The following VKORC1L1 variants were observed in gnomAD, a reference collection of about 807,000 sequenced individuals.
VKORC1L1 encodes the protein vitamin K epoxide reductase complex subunit 1L1, also known as vitamin K epoxide reductase complex subunit 1-like protein 1.
A neutral mutation model predicts 18.9 loss-of-function variants in VKORC1L1; 2 were observed. That is an observed-to-expected ratio of 0.11 (90% confidence interval 0.04 to 0.33). The LOEUF (loss-of-function observed/expected upper bound fraction) is 0.33. Ranked by LOEUF, VKORC1L1 falls within the 10% of genes least tolerant of loss-of-function variation. VKORC1L1 has a pLI of 1.00. For synonymous variants in VKORC1L1, 96 were observed against 100.0 expected (o/e 0.96, Z 0.24); for missense variants, 123 against 224.1 (o/e 0.55, Z 2.88).
intron 1 of VKORC1L1, among the ~76,000 whole-genome samples, chr7:65,937,938 T>C (rs1275062953): frequency 6.6e-6 from 1 of 152,202 alleles, no homozygotes; most frequent in African/African-American, 2.4e-5. Flanking sequence ...CTGGGTGCAG[T>C]GGCTCGTGTC....
intron 1 of VKORC1L1, among the ~76,000 whole-genome samples, chr7:65,923,218 A>G (rs1239420587): frequency 6.6e-6 from 1 of 152,156 alleles, no homozygotes; most frequent in Non-Finnish European, 1.5e-5. Context: ...CCTGGGCAAC[A>G]TAGCAAGACC....
At chr7:65,889,503 A>G (rs1789074715) in intron 1 of VKORC1L1, among the ~76,000 whole-genome samples, 1 of 152,166 alleles carries the variant, frequency 6.6e-6, no homozygotes, top group South Asian at 2.1e-4. Context: ...GGCCCCATTG[A>G]TTGTTTTTCA....
intron 1 of VKORC1L1, among the ~76,000 whole-genome samples, chr7:65,891,321 G>A (rs1286857162): frequency 6.6e-6 from 1 of 152,008 alleles, no homozygotes; most frequent in Non-Finnish European, 1.5e-5. Flanking sequence ...TGGGTCATGG[G>A]ATAGGTGAGT....
chr7:65,942,475 G>A (rs1790051875), intron 1 of VKORC1L1, among the ~76,000 whole-genome samples: 1 of 138,416 alleles, frequency 7.2e-6, no homozygotes. Flanking sequence ...CTGGGTGACA[G>A]AGCGAGACTC....
chr7:65,912,989 C>T (rs1373723787), intron 1 of VKORC1L1, among the ~76,000 whole-genome samples: 1 of 152,114 alleles, frequency 6.6e-6, no homozygotes, highest in Non-Finnish European at 1.5e-5. Flanking sequence ...GTGGTAGTTA[C>T]TGAGCCTTGT....
chr7:65,917,276 G>A (rs915176557), intron 1 of VKORC1L1, among the ~76,000 whole-genome samples: 3 of 152,054 alleles, frequency 2.0e-5, no homozygotes, highest in South Asian at 2.1e-4. Flanking sequence ...TTCTCTGTGC[G>A]TTGATTTAGG....
At chr7:65,917,739 C>G (rs1449556911) in intron 1 of VKORC1L1, among the ~76,000 whole-genome samples, 1 of 152,204 alleles carries the variant, frequency 6.6e-6, no homozygotes, top group Non-Finnish European at 1.5e-5. Context: ...CTCCTAAGTA[C>G]TTTAGCATGC....
At chr7:65,870,561 C>T (rs192659690), upstream of VKORC1L1, among the ~76,000 whole-genome samples, 3 of 152,018 alleles carry the variant, frequency 2.0e-5, no homozygotes, top group African/African-American at 4.8e-5. Flanking sequence ...AGAATGGACA[C>T]GTAAAATTGT....
At chr7:65,867,851 C>T in the VKORC1L1 span, among the ~76,000 whole-genome samples, 1 of 151,986 alleles carries the variant, frequency 6.6e-6, no homozygotes, top group African/African-American at 2.4e-5. Flanking sequence ...TGAAGAAGAG[C>T]ACATGCTATT....
At chr7:65,951,134 C>T (rs1790205540) in intron 2 of VKORC1L1, among the ~76,000 whole-genome samples, 1 of 152,148 alleles carries the variant, frequency 6.6e-6, no homozygotes, top group African/African-American at 2.4e-5. Context: ...CTTCACGTGC[C>T]TTTTAATGTT....
rs532527558 is a variant in VKORC1L1 at position 65,880,530 on chromosome 7, T to G, written c.194+6965T>G. On this transcript the variant is annotated intron_variant, in intron 1 of 2. Coordinates refer to ENST00000360768, the MANE Select transcript of VKORC1L1 (RefSeq NM_173517.6). ...GGAGGGAGGGGGAGGGAAAAGAGTTTGTTTGAATCTGTCCTAGATTGGGGT... is the reference window on the plus strand; with the variant it reads ...GGAGGGAGGGGGAGGGAAAAGAGTTGGTTTGAATCTGTCCTAGATTGGGGT... Among the ~76,000 whole-genome samples, 11 of 152,162 alleles carry G rather than the reference T, an allele frequency of 7.2e-5. No homozygotes were observed. The East Asian group carries it at 1.9e-3, about 27-fold the overall frequency.
chr7:65,936,911 A>C (rs1395668031), intron 1 of VKORC1L1, among the ~76,000 whole-genome samples: 2 of 152,212 alleles, frequency 1.3e-5, no homozygotes, highest in Non-Finnish European at 2.9e-5. Context: ...TTCCTTTTAC[A>C]TGCTTACAGC....
rs142244986 is a variant in VKORC1L1 at position 65,877,997 on chromosome 7, C to T, written c.194+4432C>T. Among the ~76,000 whole-genome samples the T allele has an allele frequency of 2.6e-4, 39 of 152,184 alleles. No homozygotes were observed. In the East Asian group the frequency reaches 7.3e-3, roughly 29 times the overall value. ...TATAAGTGAGCACACACAGCTTAAACCCGTGTTGTTCAAGGGTCCACTGCA... is the reference window on the plus strand; with the variant it reads ...TATAAGTGAGCACACACAGCTTAAATCCGTGTTGTTCAAGGGTCCACTGCA... On this transcript the variant is annotated intron_variant, in intron 1 of 2. Coordinates refer to ENST00000360768, the MANE Select transcript of VKORC1L1 (RefSeq NM_173517.6).
At chr7:65,948,151 A>G (rs948658659) in intron 1 of VKORC1L1, among the ~76,000 whole-genome samples, 2 of 152,128 alleles carry the variant, frequency 1.3e-5, no homozygotes, top group African/African-American at 4.8e-5. Flanking sequence ...ATGTTTGGCA[A>G]TGGCTGTGAC....
intron 1 of VKORC1L1, among the ~76,000 whole-genome samples, chr7:65,900,481 G>C (rs1583835090): frequency 6.6e-6 from 1 of 152,002 alleles, no homozygotes; most frequent in South Asian, 2.1e-4. Flanking sequence ...ATTAACTGCT[G>C]TTTGTTCCTC....
At chr7:65,897,565 G>A (rs995781238) in intron 1 of VKORC1L1, among the ~76,000 whole-genome samples, 3 of 152,148 alleles carry the variant, frequency 2.0e-5, no homozygotes, top group African/African-American at 7.2e-5. Context: ...CAATCATAAT[G>A]TTGGGTGAAA....
In VKORC1L1 at chr7:65,879,534, C is replaced by G. The variant is rs148969620; in HGVS notation, c.194+5969C>G. The stretch of plus-strand genomic sequence containing the variant: ...AGGTAGCTTTTATCACCATTTTACA[C>G]ATGAGAAAACTGAGCAACGCAGACT... On this transcript the variant is annotated intron_variant, in intron 1 of 2. Transcript: ENST00000360768. 3.2e-3 allele frequency among the ~76,000 whole-genome samples: 487 copies of G among 152,274 alleles called. 2 individuals are homozygous for G. The highest frequency in any genetic ancestry group is 0.01 in the African/African-American group (436 of 41,556).
chr7:65,882,925 G>A (rs964598374), intron 1 of VKORC1L1, among the ~76,000 whole-genome samples: 3 of 152,076 alleles, frequency 2.0e-5, no homozygotes, highest in East Asian at 1.9e-4. Flanking sequence ...CTTAGATAGC[G>A]TTAATGTACT....
In VKORC1L1 at chr7:65,954,369, A is replaced by G. The variant is rs577125188; in HGVS notation, c.*69A>G. ...TCAGTTTATTTTGCAGCAGGTTTTT[A>G]TTATTATTATTATTATTATTATTCA... On this transcript the variant is annotated 3_prime_UTR_variant, in exon 3 of 3. Coordinates refer to ENST00000360768, the MANE Select transcript of VKORC1L1 (RefSeq NM_173517.6). 4.9e-6 allele frequency: 6 copies of G among 1,231,398 alleles called. No individual in the cohort carries two copies. The South Asian group carries it at 1.0e-4, about 22-fold the overall frequency. The allele number at this position is 1,231,398 out of a possible 1,614,324, so 76.3% of individuals were successfully genotyped here.
Sources: allele counts gnomAD v4.1 joint callset (sites outside exome capture counted in the v4.1 genomes callset), GRCh38; gene constraint gnomAD v4.1.1; transcripts MANE v1.5; gene names NCBI Gene and HGNC (gene_info 2026-07-23, HGNC 2026-07-21).